RASGRP1: variants seen among roughly 807,000 people sequenced by gnomAD.
The protein encoded by RASGRP1 is RAS guanyl releasing protein 1, also known as RAS guanyl-releasing protein 1.
Under a neutral mutation model 95.1 loss-of-function variants are expected in RASGRP1, and 37 were observed. That is an observed-to-expected ratio of 0.39 (90% CI 0.30 to 0.51). The LOEUF is 0.51. Ranked by LOEUF, RASGRP1 falls within the 20% of genes least tolerant of loss-of-function variation. RASGRP1 has a pLI of 0.80. For missense variants in RASGRP1, 711 were observed against 965.4 expected (o/e 0.74, Z 3.49); for synonymous variants, 325 against 353.4 (o/e 0.92, Z 0.90).
At chr15:38,534,537 CA>C in intron 2 of RASGRP1, 1 of 152,242 alleles carries the variant, frequency 6.6e-6, no homozygotes, top group East Asian at 1.9e-4. Flanking sequence ...GGACAATACA[CA>C]AGCTTTAAAT....
intron 8 of RASGRP1, among the ~76,000 whole-genome samples, chr15:38,510,654 G>A (rs566428638): frequency 5.9e-5 from 9 of 152,294 alleles, no homozygotes; most frequent in African/African-American, 1.9e-4. Context: ...TATTACAGTG[G>A]TTTATATTTA....
At chr15:38,492,179 A>C (rs1484596626) in intron 16 of RASGRP1, among the ~76,000 whole-genome samples, 1 of 152,220 alleles carries the variant, frequency 6.6e-6, no homozygotes, top group Non-Finnish European at 1.5e-5. Flanking sequence ...TGTCTAACCC[A>C]CGTTTTGCCA....
intron 2 of RASGRP1, among the ~76,000 whole-genome samples, chr15:38,537,531 A>G (rs1322144510): frequency 6.6e-6 from 1 of 152,180 alleles, no homozygotes; most frequent in East Asian, 1.9e-4. Flanking sequence ...GCAGCACTAT[A>G]GACATGAGCC....
intron 15 of RASGRP1, among the ~76,000 whole-genome samples, chr15:38,496,448 C>G (rs577882745): frequency 5.3e-5 from 8 of 152,266 alleles, no homozygotes; most frequent in African/African-American, 1.7e-4. Flanking sequence ...TTTGAGGCCT[C>G]AGATTCAGGC....
chr15:38,520,465 A>G (rs1284191717), intron 3 of RASGRP1, among the ~76,000 whole-genome samples: 1 of 152,236 alleles, frequency 6.6e-6, no homozygotes, highest in Non-Finnish European at 1.5e-5. Flanking sequence ...GTCAGGAAGG[A>G]GATCTGTGCA....
Position 38,494,470 on chromosome 15 carries a change from A to G in RASGRP1, c.2171T>C (p.Phe724Ser). The change falls in exon 16 of 17, where the codon TTT becomes TCT. Residue 724 changes from phenylalanine (F) to serine (S), a missense_variant. This residue lies in a region of RASGRP1 where 212 missense variants were observed against 247.8 expected (regional missense o/e 0.86). Coordinates refer to ENST00000310803, the MANE Select transcript of RASGRP1 (RefSeq NM_005739.4). Reference sequence around the variant, plus strand: ...GGAGTCTTTATTCTCCCACTTGACAAAAGCCCGCTTTCTGACCAAGACTGG... The same window carrying G: ...GGAGTCTTTATTCTCCCACTTGACAGAAGCCCGCTTTCTGACCAAGACTGG... ...PSPVLVRKRA[F>S]VKWENKDSLI... 1 of 1,611,370 alleles carries G rather than the reference A, an allele frequency of 6.2e-7. No homozygotes were observed. The highest frequency in any genetic ancestry group is 8.5e-7 in the Non-Finnish European group (1 of 1,178,790).
chr15:38,549,662 C>CCTCTGCTTCCCTCTTTCT (rs1893249705), intron 2 of RASGRP1, among the ~76,000 whole-genome samples: 1 of 151,668 alleles, frequency 6.6e-6, no homozygotes, highest in South Asian at 2.1e-4. Context: ...TCCCTCTTCC[C>CCTCTGCTTCCCTCTTTCT]CTCTGCTTCC....
intron 2 of RASGRP1, 124 bp from the exon 3 acceptor site, chr15:38,526,528 C>A: frequency 1.6e-6 from 1 of 644,782 alleles, no homozygotes; most frequent in East Asian, 2.8e-5. Context: ...CTTCCACTGC[C>A]CCTAGCACAG....
chr15:38,520,685 A>AT (rs1191588454), intron 3 of RASGRP1, among the ~76,000 whole-genome samples: 2 of 152,188 alleles, frequency 1.3e-5, no homozygotes, highest in African/African-American at 2.4e-5. Context: ...ACTATTTAGA[A>AT]TTCAGGGAGG....
At chr15:38,528,664 TTTTA>T (rs1400878588) in intron 2 of RASGRP1, among the ~76,000 whole-genome samples, 6 of 152,194 alleles carry the variant, frequency 3.9e-5, no homozygotes, top group South Asian at 2.1e-4. Flanking sequence ...CCGCTTTTTC[TTTTA>T]TTTATTTTTT....
intron 6 of RASGRP1, among the ~76,000 whole-genome samples, chr15:38,513,987 T>G (rs1891653717): frequency 6.6e-6 from 1 of 152,218 alleles, no homozygotes; most frequent in South Asian, 2.1e-4. Context: ...TGGAAATTCC[T>G]GGCAAGATGA....
chr15:38,522,542 G>A (rs908803653), intron 3 of RASGRP1, among the ~76,000 whole-genome samples: 34 of 152,052 alleles, frequency 2.2e-4, no homozygotes, highest in Non-Finnish European at 4.3e-4. Context: ...TAAAATCAAA[G>A]GAATTAAATA....
intron 3 of RASGRP1, among the ~76,000 whole-genome samples, chr15:38,522,637 C>T (rs1566924049): frequency 6.6e-6 from 1 of 152,042 alleles, no homozygotes; most frequent in Non-Finnish European, 1.5e-5. Flanking sequence ...AAAAGCTTCC[C>T]AGAAGGGTCT....
At chr15:38,507,353 C>T (rs1446971855) in intron 9 of RASGRP1, among the ~76,000 whole-genome samples, 1 of 148,836 alleles carries the variant, frequency 6.7e-6, no homozygotes, top group East Asian at 2.0e-4. Flanking sequence ...TTACTGCCTG[C>T]CCTTTTTATG....
chr15:38,499,080 T>C, intron 14 of RASGRP1, 134 bp from the exon 15 acceptor site: 1 of 1,215,220 alleles, frequency 8.2e-7, no homozygotes, highest in Non-Finnish European at 1.2e-6. Context: ...ACACTTAACA[T>C]TCCTAATGAA....
chr15:38,494,513 T>G lies in RASGRP1; in HGVS notation c.2128A>C (p.Thr710Pro), dbSNP rs1414909003. 1 of 1,601,884 alleles carries G rather than the reference T, an allele frequency of 6.2e-7. No individual in the cohort carries two copies. Among genetic ancestry groups the G allele is most frequent in the South Asian group, 1.1e-5 (1 of 88,976 alleles). Residue 710 changes from threonine to proline, a missense_variant, in exon 16 of 17, where the codon ACC becomes CCC. Physicochemically the swap from Thr to Pro is conservative, Grantham distance 38 (BLOSUM62 -1). Transcript: ENST00000310803. ...QDTLYVLPSP[T>P]SPCPSPVLVR... is the part of the protein sequence containing the mutation. ...AAGACTGGGCTAGGACATGGAGAGG[T>G]GGGACTGGGAAGCACATATAGAGTA...
chr15:38,542,891 A>ATATG (rs1474085377), intron 2 of RASGRP1, among the ~76,000 whole-genome samples: 7 of 134,178 alleles, frequency 5.2e-5, no homozygotes, highest in South Asian at 2.4e-4. Flanking sequence ...ATACACATAT[A>ATATG]TGTGTATATA....
At position 38,490,518 on chromosome 15, in the gene RASGRP1, A is replaced by G. The variant is rs1890531639; in HGVS notation, c.*36T>C. ...TTACAGTTTAGGAAATGAGATCACT[A>G]TACTCATCTACAGATTGTGCTACTT... On this transcript the variant is annotated 3_prime_UTR_variant, in exon 17 of 17. Coordinates refer to ENST00000310803, the MANE Select transcript of RASGRP1 (RefSeq NM_005739.4). 1 of 1,599,998 alleles carries G rather than the reference A, an allele frequency of 6.3e-7. No individual in the cohort carries two copies. The highest frequency in any genetic ancestry group is 8.5e-7 in the Non-Finnish European group (1 of 1,173,350).
At chr15:38,554,975 T>A (rs2141191195) in intron 2 of RASGRP1, among the ~76,000 whole-genome samples, 1 of 152,344 alleles carries the variant, frequency 6.6e-6, no homozygotes, top group Non-Finnish European at 1.5e-5. Context: ...TAGGTCTGCA[T>A]CCCCAATGAT....
Sources: allele counts gnomAD v4.1 joint callset (sites outside exome capture counted in the v4.1 genomes callset), GRCh38; gene constraint gnomAD v4.1.1; regional missense constraint gnomAD v4.1.1; transcripts MANE v1.5; gene names NCBI Gene and HGNC (gene_info 2026-07-23, HGNC 2026-07-21).